Variants in LRFN2 observed in about 807,000 individuals in gnomAD.
LRFN2 encodes leucine-rich repeat and fibronectin type-III domain-containing protein 2.
LRFN2 carries 18 observed loss-of-function variants against 37.3 expected under a neutral mutation model. That is an observed-to-expected ratio of 0.48 (90% CI 0.33 to 0.72). The LOEUF (loss-of-function observed/expected upper bound fraction) is 0.72. Ranked by LOEUF, LRFN2 falls within the 30% of genes least tolerant of loss-of-function variation. The pLI, the probability that LRFN2 is intolerant of heterozygous loss-of-function variation, is 0.02. For synonymous variants in LRFN2, 556 were observed against 466.6 expected, an observed-to-expected ratio of 1.19 and a Z score of -2.47; for missense variants, 1,006 against 1,060.7, an observed-to-expected ratio of 0.95 and a Z score of 0.72.
chr6:40,514,721 A>T (rs1243313231), intron 1 of LRFN2, among the ~76,000 whole-genome samples: 1 of 152,218 alleles, frequency 6.6e-6, no homozygotes, highest in East Asian at 1.9e-4. Context: ...TGACTTTTAC[A>T]ATTTTCAAAA....
At chr6:40,517,100 C>G (rs1169069443) in intron 1 of LRFN2, among the ~76,000 whole-genome samples, 1 of 152,132 alleles carries the variant, frequency 6.6e-6, no homozygotes, top group East Asian at 1.9e-4. Flanking sequence ...GACTAGATCA[C>G]CCAAGGGTTC....
intron 2 of LRFN2, among the ~76,000 whole-genome samples, chr6:40,416,245 G>C (rs1009662565): frequency 1.3e-5 from 2 of 152,340 alleles, no homozygotes; most frequent in Non-Finnish European, 1.5e-5. Context: ...CTGACTTCAA[G>C]TGATCTGCCC....
Position 40,463,670 on chromosome 6 carries a change from A to ATTT in LRFN2, c.-18-30542_-18-30540dup, listed in dbSNP as rs66745321. ...TACATCATACTATTTCTTTCTTTCT[A>ATTT]TTTTTTTTTTTTTTTTTTTTTTTTG... On this transcript the variant is annotated intron_variant, in intron 1 of 2. Transcript: ENST00000338305. 8.8e-3 allele frequency among the ~76,000 whole-genome samples: 673 copies of ATTT among 76,354 alleles called. 4 individuals are homozygous for ATTT. The highest frequency in any genetic ancestry group is 0.011 in the Non-Finnish European group (446 of 42,202). The allele number at this position is 76,354 out of a possible 152,430, so 50.1% of individuals were successfully genotyped here.
chr6:40,404,454 A>G (rs1230095472), intron 2 of LRFN2, among the ~76,000 whole-genome samples: 1 of 152,240 alleles, frequency 6.6e-6, no homozygotes, highest in Non-Finnish European at 1.5e-5. Context: ...TGGTCATTCA[A>G]ATTTAACTTC....
chr6:40,489,024 G>C (rs533957723), intron 1 of LRFN2, among the ~76,000 whole-genome samples: 1 of 152,250 alleles, frequency 6.6e-6, no homozygotes, highest in Admixed American at 6.5e-5. Context: ...ATAGCAATAA[G>C]CACATAGCCT....
intron 1 of LRFN2, among the ~76,000 whole-genome samples, chr6:40,575,117 A>AC (rs1422257282): frequency 6.6e-6 from 1 of 151,884 alleles, no homozygotes; most frequent in East Asian, 1.9e-4. Context: ...AGACCCAGTC[A>AC]CCCCTCCCAA....
chr6:40,401,333 G>A (rs1462481317), intron 2 of LRFN2, among the ~76,000 whole-genome samples: 1 of 152,126 alleles, frequency 6.6e-6, no homozygotes, highest in African/African-American at 2.4e-5. Flanking sequence ...TGTGCCAGAT[G>A]ATCTGTGCCA....
At chr6:40,426,080 C>T (rs2113818908) in intron 2 of LRFN2, among the ~76,000 whole-genome samples, 1 of 152,224 alleles carries the variant, frequency 6.6e-6, no homozygotes. Flanking sequence ...GTCTCTGACC[C>T]CAGGCCCTGG....
At chr6:40,477,817 G>A (rs1047752590) in intron 1 of LRFN2, among the ~76,000 whole-genome samples, 2 of 152,062 alleles carry the variant, frequency 1.3e-5, no homozygotes, top group Admixed American at 1.3e-4. Context: ...GCTCTTTAGC[G>A]CCATGGTGGT....
intron 2 of LRFN2, among the ~76,000 whole-genome samples, chr6:40,394,342 G>C (rs1158294174): frequency 6.6e-6 from 1 of 152,104 alleles, no homozygotes; most frequent in Non-Finnish European, 1.5e-5. Flanking sequence ...GTACCACTGT[G>C]TAGCTTTCTT....
chr6:40,577,106 T>TCTCTTCTCTTCTCTTCTCTTCTCTTC (rs1441848756), intron 1 of LRFN2, among the ~76,000 whole-genome samples: 40 of 137,962 alleles, frequency 2.9e-4, no homozygotes, highest in African/African-American at 6.0e-4. Flanking sequence ...TTCTTTTCCT[T>TCTCTTCTCTTCTCTTCTCTTCTCTTC]TCTTTTCTTT....
intron 1 of LRFN2, among the ~76,000 whole-genome samples, chr6:40,525,591 G>A (rs1345287709): frequency 1.3e-5 from 2 of 152,158 alleles, no homozygotes; most frequent in African/African-American, 4.8e-5. Flanking sequence ...ACAGAAATAT[G>A]CATCTGCAGA....
chr6:40,499,608 G>A (rs1003187784), intron 1 of LRFN2, among the ~76,000 whole-genome samples: 2 of 152,150 alleles, frequency 1.3e-5, no homozygotes, highest in Non-Finnish European at 1.5e-5. Flanking sequence ...CAATGTGTTC[G>A]TGGTTTCTCT....
intron 1 of LRFN2, among the ~76,000 whole-genome samples, chr6:40,467,121 C>G (rs553978137): frequency 6.6e-6 from 1 of 151,766 alleles, no homozygotes; most frequent in Non-Finnish European, 1.5e-5. Context: ...TTTTGGTAGA[C>G]CTAGCAAAGT....
intron 1 of LRFN2, among the ~76,000 whole-genome samples, chr6:40,441,798 GA>G (rs975620720): frequency 1.3e-5 from 2 of 152,152 alleles, no homozygotes; most frequent in African/African-American, 4.8e-5. Context: ...TCATGACTTT[GA>G]AGATTCTTTG....
At chr6:40,511,989 CA>C (rs1765721612) in intron 1 of LRFN2, among the ~76,000 whole-genome samples, 1 of 152,150 alleles carries the variant, frequency 6.6e-6, no homozygotes, top group Non-Finnish European at 1.5e-5. Context: ...GAGGGTTTTG[CA>C]AAGATGAGCA....
intron 1 of LRFN2, among the ~76,000 whole-genome samples, chr6:40,465,401 G>A (rs1251123301): frequency 6.6e-6 from 1 of 152,156 alleles, no homozygotes; most frequent in Non-Finnish European, 1.5e-5. Flanking sequence ...AAGTCTCCAG[G>A]AAACATGAGT....
chr6:40,431,711 C>A lies in LRFN2; in HGVS notation c.1400+3G>T. On this transcript the variant is annotated splice_donor_region_variant and intron_variant, in intron 2 of 2. Transcript: ENST00000338305. ...CCTGCCTTTGCCACAGCCGCTTGCT[C>A]ACCTGTAAATCAGTACCTCATCGTC... 1.3e-6 allele frequency: 2 copies of A among 1,503,890 alleles called. No homozygotes were observed. The highest frequency in any genetic ancestry group is 2.8e-5 in the South Asian group (2 of 72,596). 93.2% of individuals were successfully genotyped at this position (1,503,890 alleles called of 1,614,324 possible). A position where few individuals can be genotyped will look rare whatever the true frequency, so the allele number is the denominator to read the frequency against.
chr6:40,474,755 G>C (rs560109411), intron 1 of LRFN2, among the ~76,000 whole-genome samples: 2 of 152,262 alleles, frequency 1.3e-5, no homozygotes, highest in Non-Finnish European at 2.9e-5. Flanking sequence ...CTCCCAAAGT[G>C]CTGGGATTAC....
Sources: allele counts gnomAD v4.1 joint callset (sites outside exome capture counted in the v4.1 genomes callset), GRCh38; gene constraint gnomAD v4.1.1; transcripts MANE v1.5; gene names NCBI Gene and HGNC (gene_info 2026-07-23, HGNC 2026-07-21).